Variants in TCF12 observed in about 807,000 individuals in gnomAD.
TCF12 encodes DNA-binding protein HTF4.
In TCF12, 45 loss-of-function variants were observed where a neutral mutation model predicts 86.0. The observed-to-expected ratio is 0.52, with a 90% CI of 0.41 to 0.67. TCF12 has a LOEUF of 0.67. Ranked by LOEUF, TCF12 falls within the 30% of genes least tolerant of loss-of-function variation. TCF12 has a pLI of 0.00. For missense variants in TCF12, 881 were observed against 859.9 expected (o/e 1.02, Z -0.31); for synonymous variants, 330 against 299.6 (o/e 1.10, Z -1.05).
intron 18 of TCF12, among the ~76,000 whole-genome samples, chr15:57,264,842 G>T (rs1412945937): frequency 3.3e-5 from 5 of 152,070 alleles, no homozygotes; most frequent in African/African-American, 1.2e-4. Flanking sequence ...CAGTTCTCTT[G>T]CCTCAGCCTC....
At chr15:57,247,168 T>C (rs12904634) in intron 13 of TCF12, 1,930 of 185,918 alleles carry the variant, frequency 0.01, 14 homozygotes, top group Middle Eastern at 0.051. Flanking sequence ...ACCACCACCA[T>C]ATCCTTGGTC....
intron 3 of TCF12, among the ~76,000 whole-genome samples, chr15:56,948,435 G>A (rs2061111552): frequency 6.6e-6 from 1 of 152,078 alleles, no homozygotes; most frequent in South Asian, 2.1e-4. Context: ...TCATATTTAG[G>A]GAAAAGTTTT....
rs1309171063 is a variant in TCF12, at chr15:57,087,056, CCT to C, written c.223-4730_223-4729del. 3.4e-5 allele frequency among the ~76,000 whole-genome samples: 5 copies of C among 146,850 alleles called. No homozygotes were observed. The Admixed American group carries it at 3.8e-4, about 11-fold the overall frequency. On this transcript the variant is annotated intron_variant, in intron 4 of 20. Coordinates refer to ENST00000333725, the MANE Select transcript of TCF12 (RefSeq NM_207037.2). Reference sequence around the variant, plus strand: ...CTTCCCCTCTCTCTCCCTCTGTCTCCCTCTGTCTCCCTCTCTCTCCCTCTGTC... The same window carrying C: ...CTTCCCCTCTCTCTCCCTCTGTCTCCCTGTCTCCCTCTCTCTCCCTCTGTC...
intron 3 of TCF12, among the ~76,000 whole-genome samples, chr15:56,930,380 G>A (rs1281644650): frequency 6.6e-6 from 1 of 152,206 alleles, no homozygotes; most frequent in African/African-American, 2.4e-5. Flanking sequence ...CTTGTGCCAA[G>A]GGTAAGAATC....
intron 3 of TCF12, among the ~76,000 whole-genome samples, chr15:57,006,977 A>G (rs1000546962): frequency 5.3e-5 from 8 of 152,206 alleles, no homozygotes; most frequent in African/African-American, 9.6e-5. Context: ...TAGATAAAGC[A>G]TATTTGGCAC....
intron 4 of TCF12, among the ~76,000 whole-genome samples, chr15:57,087,415 A>AC (rs1378344068): frequency 2.6e-4 from 38 of 147,794 alleles, no homozygotes; most frequent in African/African-American, 9.6e-4. Flanking sequence ...CTGTCTCAAA[A>AC]AAAAAAAAAA....
chr15:57,219,421 ATGCATAG>A, intron 8 of TCF12: 2 of 1,420,232 alleles, frequency 1.4e-6, no homozygotes, highest in East Asian at 5.0e-5. Context: ...CCATGTGTGA[ATGCATAG>A]TACTGAAGAC....
intron 8 of TCF12, among the ~76,000 whole-genome samples, chr15:57,223,739 A>G (rs1406900024): frequency 7.2e-6 from 1 of 139,072 alleles, no homozygotes; most frequent in African/African-American, 2.6e-5. Flanking sequence ...TAAAACAAAC[A>G]TTTTCAGTTA....
intron 4 of TCF12, among the ~76,000 whole-genome samples, chr15:57,069,736 T>C (rs1310537739): frequency 2.0e-5 from 3 of 152,168 alleles, no homozygotes; most frequent in Non-Finnish European, 4.4e-5. Context: ...CCCTTGACTT[T>C]AGTACTTCCC....
At chr15:56,940,407 G>C (rs1451835884) in intron 3 of TCF12, among the ~76,000 whole-genome samples, 1 of 152,008 alleles carries the variant, frequency 6.6e-6, no homozygotes, top group African/African-American at 2.4e-5. Context: ...TTTGAAGTTA[G>C]ACTGCACATC....
chr15:57,153,997 TAA>T (rs71441455), intron 5 of TCF12, among the ~76,000 whole-genome samples: 6 of 132,766 alleles, frequency 4.5e-5, no homozygotes, highest in Non-Finnish European at 3.3e-5. Context: ...CCTGTGTCTT[TAA>T]AAAAAAAAAA....
intron 3 of TCF12, among the ~76,000 whole-genome samples, chr15:56,973,592 G>A (rs2062450497): frequency 6.6e-6 from 1 of 152,034 alleles, no homozygotes; most frequent in African/African-American, 2.4e-5. Flanking sequence ...TCACCATTTG[G>A]CAACCATTAT....
chr15:57,279,489 C>A (rs1449767126), intron 19 of TCF12, among the ~76,000 whole-genome samples: 1 of 152,174 alleles, frequency 6.6e-6, no homozygotes, highest in South Asian at 2.1e-4. Flanking sequence ...TTGCCGTGGT[C>A]TGTGTCACAC....
At chr15:57,145,774 T>C (rs1456655735) in intron 5 of TCF12, among the ~76,000 whole-genome samples, 1 of 152,212 alleles carries the variant, frequency 6.6e-6, no homozygotes, top group African/African-American at 2.4e-5. Flanking sequence ...CTCTAAAAGC[T>C]AACTCTATGC....
intron 4 of TCF12, among the ~76,000 whole-genome samples, chr15:57,070,437 T>C (rs1567359015): frequency 6.6e-6 from 1 of 152,152 alleles, no homozygotes; most frequent in Non-Finnish European, 1.5e-5. Flanking sequence ...CTAAAGTTCA[T>C]AGACAAAGCC....
At chr15:57,038,269 T>TAA (rs35441538) in intron 3 of TCF12, among the ~76,000 whole-genome samples, 2 of 149,376 alleles carry the variant, frequency 1.3e-5, no homozygotes, top group African/African-American at 4.9e-5. Context: ...CCATCTCTGT[T>TAA]AAAAAAAAAA....
chr15:57,185,039 A>G (rs1370171460), intron 6 of TCF12, among the ~76,000 whole-genome samples: 1 of 152,162 alleles, frequency 6.6e-6, no homozygotes, highest in African/African-American at 2.4e-5. Flanking sequence ...TGTTGTATCT[A>G]TTGGAATTTG....
intron 3 of TCF12, among the ~76,000 whole-genome samples, chr15:57,015,856 A>G (rs2065123807): frequency 6.6e-6 from 1 of 152,216 alleles, no homozygotes; most frequent in Non-Finnish European, 1.5e-5. Flanking sequence ...ACTTCTTTCC[A>G]GGGCGATCTC....
intron 18 of TCF12, among the ~76,000 whole-genome samples, chr15:57,268,967 G>T (rs2060997534): frequency 6.6e-6 from 1 of 152,066 alleles, no homozygotes; most frequent in African/African-American, 2.4e-5. Context: ...AGAATAATAA[G>T]TGCAGTGTGG....
Sources: allele counts gnomAD v4.1 joint callset (sites outside exome capture counted in the v4.1 genomes callset), GRCh38; gene constraint gnomAD v4.1.1; transcripts MANE v1.5; gene names NCBI Gene and HGNC (gene_info 2026-07-23, HGNC 2026-07-21).